The following PDE4B variants were observed in gnomAD, a reference collection of about 807,000 sequenced individuals.
PDE4B encodes phosphodiesterase 4B, also known as 3',5'-cyclic-AMP phosphodiesterase 4B.
PDE4B carries 20 observed loss-of-function variants against 82.2 expected under a neutral mutation model. That is an observed-to-expected ratio of 0.24 (90% confidence interval 0.17 to 0.35). The LOEUF (loss-of-function observed/expected upper bound fraction) is 0.35. Ranked by LOEUF, PDE4B falls within the 10% of genes least tolerant of loss-of-function variation. The pLI is 1.00. For missense variants in PDE4B, 655 were observed against 907.2 expected, an observed-to-expected ratio of 0.72 and a Z score of 3.57; for synonymous variants, 320 against 318.9, an observed-to-expected ratio of 1.00 and a Z score of -0.04.
chr1:66,106,090 T>C (rs1409498888), intron 3 of PDE4B, among the ~76,000 whole-genome samples: 1 of 152,052 alleles, frequency 6.6e-6, no homozygotes, highest in Non-Finnish European at 1.5e-5. Context: ...CATAGATAGC[T>C]CTTATTATTT....
chr1:66,367,349 C>CAAAGT (rs1471778618), intron 13 of PDE4B: 6 of 167,038 alleles, frequency 3.6e-5, no homozygotes, highest in Non-Finnish European at 7.7e-5. Context: ...TGTTCTTTTC[C>CAAAGT]AAAGTACAAA....
intron 3 of PDE4B, among the ~76,000 whole-genome samples, chr1:66,161,277 A>AACACAC (rs77927266): frequency 6.7e-6 from 1 of 149,754 alleles, no homozygotes; most frequent in Non-Finnish European, 1.5e-5. Context: ...GTCAAACCTG[A>AACACAC]ACACACACAC....
chr1:66,365,624 G>A (rs1380872353), intron 12 of PDE4B, 43 bp from the exon 13 acceptor site: 2 of 1,135,150 alleles, frequency 1.8e-6, no homozygotes, highest in South Asian at 1.3e-5. Flanking sequence ...AAGCAGGATA[G>A]GCGAATTGGA....
chr1:65,959,130 T>A (rs1649419602), intron 3 of PDE4B, among the ~76,000 whole-genome samples: 1 of 152,226 alleles, frequency 6.6e-6, no homozygotes, highest in Admixed American at 6.5e-5. Context: ...AAATGGATAA[T>A]CATTTGAGGA....
At chr1:66,256,784 C>T (rs939955157) in intron 4 of PDE4B, among the ~76,000 whole-genome samples, 1 of 152,164 alleles carries the variant, frequency 6.6e-6, no homozygotes, top group African/African-American at 2.4e-5. Flanking sequence ...GTAGGCCAGA[C>T]ACTGAGGGAA....
chr1:66,096,068 A>T (rs183289258), intron 3 of PDE4B, among the ~76,000 whole-genome samples: 1 of 151,868 alleles, frequency 6.6e-6, no homozygotes, highest in East Asian at 1.9e-4. Flanking sequence ...ACTGTATATT[A>T]TTGTTGACTA....
intron 4 of PDE4B, among the ~76,000 whole-genome samples, chr1:66,248,789 A>C (rs143860465): frequency 5.9e-5 from 9 of 152,368 alleles, no homozygotes; most frequent in Admixed American, 2.0e-4. Context: ...AGAGGAACAC[A>C]CACATACAAA....
intron 3 of PDE4B, among the ~76,000 whole-genome samples, chr1:66,130,134 A>G (rs539827097): frequency 6.6e-6 from 1 of 152,352 alleles, no homozygotes; most frequent in South Asian, 2.1e-4. Flanking sequence ...AGTATAGATT[A>G]TCAATCAAAG....
intron 7 of PDE4B, among the ~76,000 whole-genome samples, chr1:66,285,747 C>T (rs1656632510): frequency 6.6e-6 from 1 of 151,860 alleles, no homozygotes; most frequent in Admixed American, 6.6e-5. Flanking sequence ...GCAGCAGTTG[C>T]CCAGACGGAT....
chr1:66,349,636 AAAT>A (rs1266672492), intron 8 of PDE4B, among the ~76,000 whole-genome samples: 1 of 152,218 alleles, frequency 6.6e-6, no homozygotes, highest in Admixed American at 6.5e-5. Flanking sequence ...CTTGCTTTTC[AAAT>A]AAGACAAACC....
intron 1 of PDE4B, among the ~76,000 whole-genome samples, chr1:65,844,734 G>C (rs996418699): frequency 5.3e-5 from 8 of 152,212 alleles, no homozygotes; most frequent in African/African-American, 1.9e-4. Flanking sequence ...ACTAAAAAAA[G>C]AGATAAAAAG....
At chr1:66,101,112 G>T (rs1374588653) in intron 3 of PDE4B, among the ~76,000 whole-genome samples, 1 of 152,086 alleles carries the variant, frequency 6.6e-6, no homozygotes, top group Non-Finnish European at 1.5e-5. Flanking sequence ...ATAGTTTGCT[G>T]AGAATGACGG....
intron 3 of PDE4B, among the ~76,000 whole-genome samples, chr1:66,185,710 A>T (rs1647178942): frequency 1.3e-5 from 2 of 151,066 alleles, no homozygotes; most frequent in African/African-American, 2.4e-5. Flanking sequence ...AATTTGTTTG[A>T]GTTCATTGTA....
At chr1:65,818,416 A>G (rs1645909969) in intron 1 of PDE4B, among the ~76,000 whole-genome samples, 1 of 151,412 alleles carries the variant, frequency 6.6e-6, no homozygotes, top group Non-Finnish European at 1.5e-5. Flanking sequence ...CCTTCTTCCT[A>G]TTGTCCCTGT....
At chr1:65,881,264 C>A (rs1057006910) in intron 1 of PDE4B, among the ~76,000 whole-genome samples, 2 of 152,314 alleles carry the variant, frequency 1.3e-5, no homozygotes, top group Admixed American at 1.3e-4. Flanking sequence ...TTCCCTTAGT[C>A]ATTTTCCCTC....
intron 1 of PDE4B, among the ~76,000 whole-genome samples, chr1:65,876,670 C>T (rs901253850): frequency 1.3e-5 from 2 of 152,026 alleles, no homozygotes; most frequent in African/African-American, 4.8e-5. Context: ...TAATTTATGA[C>T]ACATTGTATG....
chr1:66,278,923 A>G (rs1185144569), intron 7 of PDE4B, among the ~76,000 whole-genome samples: 1 of 151,930 alleles, frequency 6.6e-6, no homozygotes, highest in African/African-American at 2.4e-5. Context: ...CCAGGGGAAA[A>G]TAAGGGTTCT....
At chr1:66,310,801 A>G (rs1004779092) in intron 7 of PDE4B, among the ~76,000 whole-genome samples, 2 of 152,172 alleles carry the variant, frequency 1.3e-5, no homozygotes, top group African/African-American at 4.8e-5. Context: ...CCTGGCTGAC[A>G]CTTACTAGAT....
chr1:66,022,216 G>A (rs917169410), intron 3 of PDE4B, among the ~76,000 whole-genome samples: 11 of 152,110 alleles, frequency 7.2e-5, no homozygotes, highest in African/African-American at 1.9e-4. Context: ...GGGCTGAGAC[G>A]ATGGGGTTTT....
Sources: gnomAD v4.1 joint callset for allele counts (sites outside exome capture counted in the v4.1 genomes callset) on GRCh38, gnomAD v4.1.1 for gene constraint, MANE v1.5 for transcripts, NCBI Gene and HGNC (gene_info 2026-07-23, HGNC 2026-07-21) for gene names.